NSFL1C: variants seen among roughly 807,000 people sequenced by gnomAD.
NSFL1C encodes NSFL1 cofactor, also known as NSFL1 cofactor p47.
NSFL1C carries 14 observed loss-of-function variants against 43.1 expected under a neutral mutation model. The ratio of observed to expected loss-of-function variants is 0.32; its 90% CI spans 0.21 to 0.51. The LOEUF is 0.51. NSFL1C is among the 20% of genes least tolerant of loss of function. NSFL1C has a pLI of 0.98. For synonymous variants in NSFL1C, 171 were observed against 183.5 expected (o/e 0.93, Z 0.55); for missense variants, 406 against 472.5 (o/e 0.86, Z 1.30).
intron 1 of NSFL1C, among the ~76,000 whole-genome samples, chr20:1,465,284 G>A (rs2090486847): frequency 6.6e-6 from 1 of 152,218 alleles, no homozygotes; most frequent in Non-Finnish European, 1.5e-5. Context: ...ACAGTGAGCT[G>A]TCAAGGGATA....
chr20:1,456,429 C>T (rs1447617708), intron 3 of NSFL1C: 1 of 152,186 alleles, frequency 6.6e-6, no homozygotes, highest in African/African-American at 2.4e-5. Context: ...GTGAAGGTCA[C>T]AATAGGAATG....
At chr20:1,462,608 G>A (rs1397432777) in intron 2 of NSFL1C, among the ~76,000 whole-genome samples, 1 of 150,944 alleles carries the variant, frequency 6.6e-6, no homozygotes, top group South Asian at 2.1e-4. Context: ...TGCAAGCTCC[G>A]CCCCCCGGGT....
At chr20:1,461,744 T>C (rs1354128710) in intron 2 of NSFL1C, among the ~76,000 whole-genome samples, 2 of 152,164 alleles carry the variant, frequency 1.3e-5, no homozygotes, top group African/African-American at 2.4e-5. Flanking sequence ...AGTGTCCTCA[T>C]CTGTAAAATA....
In NSFL1C at chr20:1,443,638, G is replaced by A. The variant is rs945758345; in HGVS notation, c.*111C>T. The A allele has an allele frequency of 4.8e-5, 51 of 1,069,640 alleles. No homozygotes were observed. The highest frequency in any genetic ancestry group is 2.2e-4 in the Middle Eastern group (1 of 4,448). The allele number at this position is 1,069,640 out of a possible 1,614,324, so 66.3% of individuals were successfully genotyped here. A position where few individuals can be genotyped will look rare whatever the true frequency, so the allele number is the denominator to read the frequency against. On this transcript the variant is annotated 3_prime_UTR_variant, in exon 9 of 9. Transcript: ENST00000216879. Reference sequence around the variant, plus strand: ...AAGAACCCAGAGCTATGGAGGAGACGTTGCACTGGACTGCTGGGTGTGCAC... The same window carrying A: ...AAGAACCCAGAGCTATGGAGGAGACATTGCACTGGACTGCTGGGTGTGCAC...
intron 4 of NSFL1C, 61 bp from the exon 5 acceptor site, chr20:1,454,366 A>G: frequency 2.8e-6 from 3 of 1,088,142 alleles, no homozygotes; most frequent in Non-Finnish European, 4.2e-6. Context: ...GGTTACTCAG[A>G]TACAATGATA....
chr20:1,458,827 G>A (rs749936855), intron 2 of NSFL1C, among the ~76,000 whole-genome samples: 14 of 152,044 alleles, frequency 9.2e-5, no homozygotes, highest in Non-Finnish European at 1.8e-4. Flanking sequence ...TAGCCAAGAA[G>A]TAGGAATGAA....
intron 2 of NSFL1C, chr20:1,463,969 C>G: frequency 4.5e-6 from 1 of 222,552 alleles, no homozygotes; most frequent in Non-Finnish European, 8.8e-6. Flanking sequence ...ATCAAAACAG[C>G]TTTCCTAAGT....
rs1161706302 is a variant in NSFL1C at position 1,455,140 on chromosome 20, C to T, written c.279-8G>A. On this transcript the variant is annotated splice_region_variant and splice_polypyrimidine_tract_variant and intron_variant, in intron 3 of 8. Transcript: ENST00000216879. ...GAGCCCCCAGCATAAAACCTGTGTA[C>T]AAAATACACCTCTAACATGAAACAC... 4 of 1,614,120 alleles carry T rather than the reference C, an allele frequency of 2.5e-6. No individual in the cohort carries two copies. Among genetic ancestry groups the T allele is most frequent in the Middle Eastern group, 3.3e-4 (2 of 6,062 alleles).
At chr20:1,459,788 G>C (rs1350795113) in intron 2 of NSFL1C, among the ~76,000 whole-genome samples, 2 of 152,200 alleles carry the variant, frequency 1.3e-5, no homozygotes, top group East Asian at 3.8e-4. Flanking sequence ...CTAGTACCCT[G>C]AGAGTACTAG....
chr20:1,458,584 T>C (rs982567204), intron 2 of NSFL1C, among the ~76,000 whole-genome samples: 1 of 152,146 alleles, frequency 6.6e-6, no homozygotes, highest in African/African-American at 2.4e-5. Context: ...AAAAGCAGTG[T>C]TGTGTGGGGT....
In NSFL1C at chr20:1,455,431, A is replaced by G. The variant is rs143206895; in HGVS notation, c.279-299T>C. 4.1e-3 allele frequency among the ~76,000 whole-genome samples: 626 copies of G among 152,326 alleles called. 3 individuals are homozygous for G. Among genetic ancestry groups the G allele is most frequent in the African/African-American group, 0.014 (567 of 41,580 alleles). ...TCAGGTGAACAAACTGGGGAAAGGC[A>G]TTCCAAGCATGCAAAACAGCTTATC... is the stretch of plus-strand genomic sequence containing the variant. On this transcript the variant is annotated intron_variant, in intron 3 of 8. Transcript: ENST00000216879.
At chr20:1,454,880 A>T in intron 4 of NSFL1C, 87 bp downstream of exon 4, 5 of 1,398,676 alleles carry the variant, frequency 3.6e-6, no homozygotes, top group East Asian at 2.3e-5. Flanking sequence ...AAAAGAAAAA[A>T]ATCAGTCACT....
chr20:1,456,786 G>A (rs768747875), intron 3 of NSFL1C: 6 of 152,148 alleles, frequency 3.9e-5, no homozygotes, highest in Non-Finnish European at 8.8e-5. Flanking sequence ...AATCTGAAAT[G>A]TGGTTAATTA....
At chr20:1,464,174 G>A (rs1271370500) in intron 2 of NSFL1C, 155 bp downstream of exon 2, 2 of 657,386 alleles carry the variant, frequency 3.0e-6, no homozygotes, top group East Asian at 2.5e-5. Flanking sequence ...TATAGGAAAT[G>A]ACTGAGGCCT....
At chr20:1,446,228 A>T (rs532341671) in intron 7 of NSFL1C, 79 of 270,882 alleles carry the variant, frequency 2.9e-4, no homozygotes, top group Non-Finnish European at 4.9e-4. Flanking sequence ...GGAGTGGTGG[A>T]GGGGAGTGTT....
intron 6 of NSFL1C, 113 bp from the exon 7 acceptor site, chr20:1,452,743 A>C: frequency 7.4e-7 from 1 of 1,353,948 alleles, no homozygotes; most frequent in Non-Finnish European, 1.0e-6. Context: ...CTGGGCCTCC[A>C]AAGGGAGCAG....
At chr20:1,459,088 A>T (rs895859556) in intron 2 of NSFL1C, among the ~76,000 whole-genome samples, 11 of 152,302 alleles carry the variant, frequency 7.2e-5, no homozygotes, top group Admixed American at 2.6e-4. Context: ...ATCAAGATTT[A>T]AAAAAATTCT....
At position 1,445,714 on chromosome 20, in the gene NSFL1C, C is replaced by T. The variant is rs6105156; in HGVS notation, c.902G>A (p.Arg301Gln). Residue 301 changes from arginine to glutamine, a missense_variant, in exon 8 of 9, where the codon CGG becomes CAG. This residue lies in a region of NSFL1C where 196 missense variants were observed against 228.0 expected (regional missense o/e 0.86). Coordinates refer to ENST00000216879, the MANE Select transcript of NSFL1C (RefSeq NM_016143.5). ...ESEPTTNIQI[R>Q]LADGGRLVQK... ...CACCAGCCTCCCGCCGTCTGCAAGCCGAATTTGGATGTTTGTGGTAGGCTC... is the reference window on the plus strand; with the variant it reads ...CACCAGCCTCCCGCCGTCTGCAAGCTGAATTTGGATGTTTGTGGTAGGCTC... 6.2e-7 allele frequency: 1 copy of T among 1,613,784 alleles called. No homozygotes were observed. Among genetic ancestry groups the T allele is most frequent in the Non-Finnish European group, 8.5e-7 (1 of 1,180,000 alleles).
chr20:1,452,342 T>C (rs1300370255), intron 7 of NSFL1C, 151 bp downstream of exon 7: 13 of 1,072,334 alleles, frequency 1.2e-5, no homozygotes, highest in South Asian at 3.2e-5. Context: ...CTCCAGTCCA[T>C]GTTCTCCACA....
Sources: allele counts gnomAD v4.1 joint callset (sites outside exome capture counted in the v4.1 genomes callset), GRCh38; gene constraint gnomAD v4.1.1; regional missense constraint gnomAD v4.1.1; transcripts MANE v1.5; gene names NCBI Gene and HGNC (gene_info 2026-07-23, HGNC 2026-07-21).